The following ANO9 variants were observed in gnomAD, a reference collection of about 807,000 sequenced individuals.
The protein encoded by ANO9 is anoctamin 9.
Under a neutral mutation model 100.5 loss-of-function variants are expected in ANO9, and 80 were observed. The observed-to-expected ratio is 0.80, with a 90% CI of 0.66 to 0.96. The LOEUF (loss-of-function observed/expected upper bound fraction) is 0.96, where lower values mean the gene tolerates loss of function less well. Ranked by LOEUF, ANO9 falls within the 40% of genes least tolerant of loss-of-function variation. ANO9 has a pLI of 0.00. For synonymous variants in ANO9, 473 were observed against 435.6 expected, an observed-to-expected ratio of 1.09 and a Z score of -1.07; for missense variants, 1,064 against 1,072.7, an observed-to-expected ratio of 0.99 and a Z score of 0.11.
chr11:438,206 C>T (rs1845524981), intron 1 of ANO9, among the ~76,000 whole-genome samples: 1 of 152,012 alleles, frequency 6.6e-6, no homozygotes, highest in Admixed American at 6.5e-5. Flanking sequence ...CGTGGGCTGA[C>T]AGGGAGCCCT....
intron 1 of ANO9, among the ~76,000 whole-genome samples, chr11:437,021 T>C (rs1305578076): frequency 1.7e-5 from 1 of 57,426 alleles, no homozygotes; most frequent in Non-Finnish European, 3.4e-5. Flanking sequence ...GAGCTGGAGA[T>C]GAGCGGGGGG....
At position 428,749 on chromosome 11, in the gene ANO9, G is replaced by A. The variant is rs114920213; in HGVS notation, c.993C>T (p.Thr331=). 4.8e-3 allele frequency: 7,773 copies of A among 1,613,374 alleles called. 21 individuals are homozygous for A. The highest frequency in any genetic ancestry group is 6.1e-3 in the Non-Finnish European group (7,189 of 1,179,952). ...RPYQHSYLRS[T]VILVLTLLMI... ...TGAGCAGGGTCAGGACGAGGATGAC[G>A]GTGCTGCGTAGGTAGGAGTGCTGGT... The change falls in exon 12 of 23, where the codon ACC becomes ACT. Residue 331 remains threonine, a synonymous_variant. Coordinates refer to ENST00000332826, the MANE Select transcript of ANO9 (RefSeq NM_001012302.3).
At position 420,814 on chromosome 11, in the gene ANO9, GC is replaced by G; in HGVS notation, c.1536del (p.His513ThrfsTer17). 1 of 1,592,906 alleles carries G rather than the reference GC, an allele frequency of 6.3e-7. No individual in the cohort carries two copies. ...CTGAGCTCGGGGTCCCGGGGCAGGT[GC>G]CCGGACTCGGAGGCCCGCAGAGAGC... The part of the protein sequence containing the change: ...KCRSLRASES[G>X]HLPRDPELRD... On this transcript the variant is annotated frameshift_variant, in exon 18 of 23. Coordinates refer to ENST00000332826, the MANE Select transcript of ANO9 (RefSeq NM_001012302.3). LOFTEE classifies it high-confidence loss of function.
chr11:422,415 G>A lies in ANO9; in HGVS notation c.1335-1217C>T, dbSNP rs1848249744. ...ATGGTATTAAGGCTGCTAATCAGCTGACTTTAAGACGGGGAGATTATCTTG... is the reference window on the plus strand; with the variant it reads ...ATGGTATTAAGGCTGCTAATCAGCTAACTTTAAGACGGGGAGATTATCTTG... On this transcript the variant is annotated intron_variant, in intron 15 of 22. Coordinates refer to ENST00000332826, the MANE Select transcript of ANO9 (RefSeq NM_001012302.3). This position sits in a 1 kb window ranked among gnomAD's most constrained non-coding sequence, Gnocchi z 4.3. Among the ~76,000 whole-genome samples, 1 of 152,256 alleles carries A rather than the reference G, an allele frequency of 6.6e-6. No homozygotes were observed.
intron 20 of ANO9, chr11:419,355 GA>G (rs1464959514): frequency 2.5e-5 from 35 of 1,415,716 alleles, no homozygotes; most frequent in Admixed American, 2.9e-5. Flanking sequence ...CCAGGTCTGG[GA>G]ACTTCACCCC....
chr11:434,707 G>C (rs1849314935), intron 1 of ANO9, among the ~76,000 whole-genome samples: 1 of 152,200 alleles, frequency 6.6e-6, no homozygotes, highest in African/African-American at 2.4e-5. Context: ...CCTGCAGCAG[G>C]CAAGGTGAGT....
At chr11:436,561 C>G (rs911398704) in intron 1 of ANO9, among the ~76,000 whole-genome samples, 29 of 149,230 alleles carry the variant, frequency 1.9e-4, no homozygotes, top group African/African-American at 6.5e-4. Flanking sequence ...GGGGGTTGGT[C>G]CACGGCTAGT....
intron 14 of ANO9, 48 bp from the exon 15 acceptor site, chr11:428,247 C>A: frequency 6.2e-7 from 1 of 1,606,884 alleles, no homozygotes; most frequent in South Asian, 1.1e-5. Flanking sequence ...TAGGAGAGGC[C>A]CTGGGGCAGC....
At chr11:419,381 G>GA (rs1848038937) in intron 20 of ANO9, 4 of 1,421,222 alleles carry the variant, frequency 2.8e-6, no homozygotes, top group Non-Finnish European at 3.7e-6. Context: ...TGCGGTCCTG[G>GA]CCAGTTATCC....
At chr11:435,131 G>A (rs1371762342) in intron 1 of ANO9, among the ~76,000 whole-genome samples, 4 of 151,564 alleles carry the variant, frequency 2.6e-5, no homozygotes, top group Non-Finnish European at 5.9e-5. Context: ...ATAGCATAGT[G>A]TAGTAGGGTA....
Position 421,370 on chromosome 11 carries a change from GCACA to G in ANO9, c.1335-176_1335-173del, listed in dbSNP as rs148462393. ...ATGAACCGCACCCGCACGTGGGCACGCACACACACACACACACACACAGGGGAGG... is the reference window on the plus strand; with the variant it reads ...ATGAACCGCACCCGCACGTGGGCACGCACACACACACACACACAGGGGAGG... On this transcript the variant is annotated intron_variant, in intron 15 of 22. Coordinates refer to ENST00000332826, the MANE Select transcript of ANO9 (RefSeq NM_001012302.3). This position sits in a 1 kb window ranked among gnomAD's most constrained non-coding sequence, Gnocchi z 6.8. The G allele has an allele frequency of 6.3e-3, 3,242 of 511,610 alleles. 59 individuals are homozygous for G. The highest frequency in any genetic ancestry group is 0.041 in the African/African-American group (2,072 of 49,938). The allele number at this position is 511,610 out of a possible 1,614,324, so 31.7% of individuals were successfully genotyped here.
Position 432,953 on chromosome 11 carries a change from G to A in ANO9, c.350+361C>T, listed in dbSNP as rs1050988391. ...GGGACGGTGTCCAGGAAGGGGCATCGGAACTGGAGAGGAGGGGTCTTCAAG... is the reference window on the plus strand; with the variant it reads ...GGGACGGTGTCCAGGAAGGGGCATCAGAACTGGAGAGGAGGGGTCTTCAAG... On this transcript the variant is annotated intron_variant, in intron 4 of 22. Coordinates refer to ENST00000332826, the MANE Select transcript of ANO9 (RefSeq NM_001012302.3). This position sits in a 1 kb window ranked among gnomAD's most constrained non-coding sequence, Gnocchi z 4.8. 3.5e-5 allele frequency: 8 copies of A among 228,608 alleles called. No homozygotes were observed. The highest frequency in any genetic ancestry group is 2.6e-4 in the South Asian group (2 of 7,620). 14.2% of individuals were successfully genotyped at this position (228,608 alleles called of 1,614,324 possible). A position where few individuals can be genotyped will look rare whatever the true frequency, so the allele number is the denominator to read the frequency against.
Position 420,327 on chromosome 11 carries a change from C to T in ANO9, c.1786+136G>A, listed in dbSNP as rs559489944. 2.5e-4 allele frequency: 362 copies of T among 1,463,782 alleles called. 3 individuals carry two copies. In the South Asian group the frequency reaches 4.8e-3, roughly 19 times the overall value. The allele number at this position is 1,463,782 out of a possible 1,614,324, so 90.7% of individuals were successfully genotyped here. A position where few individuals can be genotyped will look rare whatever the true frequency, so the allele number is the denominator to read the frequency against. On this transcript the variant is annotated intron_variant, in intron 19 of 22. Transcript: ENST00000332826. The stretch of plus-strand genomic sequence containing the variant: ...AGGCTCAACCCGCATCCGAGGCCGT[C>T]GGAGAAGGGCTGGGGGCTGTCTGCG...
At chr11:423,725 C>T (rs1848329075) in intron 15 of ANO9, among the ~76,000 whole-genome samples, 1 of 151,834 alleles carries the variant, frequency 6.6e-6, no homozygotes, top group African/African-American at 2.4e-5. Flanking sequence ...GGCAGTGGGT[C>T]TCACTACATT....
intron 9 of ANO9, 48 bp from the exon 10 acceptor site, chr11:429,866 G>T: frequency 6.6e-7 from 1 of 1,518,884 alleles, no homozygotes; most frequent in East Asian, 2.4e-5. Flanking sequence ...GAGCTGGGGA[G>T]GGGGGCAGGT....
chr11:424,129 G>A (rs1848357740), intron 15 of ANO9, among the ~76,000 whole-genome samples: 1 of 151,726 alleles, frequency 6.6e-6, no homozygotes. Context: ...CCTGACCTCA[G>A]GTGATCTGCC....
At chr11:426,270 C>T (rs754967665) in intron 15 of ANO9, among the ~76,000 whole-genome samples, 6 of 152,112 alleles carry the variant, frequency 3.9e-5, no homozygotes, top group Non-Finnish European at 7.3e-5. Context: ...GACACCAAGG[C>T]AGGAGGATTG....
At chr11:433,177 T>C in intron 4 of ANO9, 137 bp downstream of exon 4, 1 of 1,215,368 alleles carries the variant, frequency 8.2e-7, no homozygotes, top group African/African-American at 1.5e-5. Flanking sequence ...CTCACACCTG[T>C]GGCCCCTGCC....
chr11:430,134 G>A lies in ANO9; in HGVS notation c.720C>T (p.Gly240=), dbSNP rs1382417920. The change falls in exon 9 of 23, where the codon GGC becomes GGT. Residue 240 remains glycine (G), a synonymous_variant. Coordinates refer to ENST00000332826, the MANE Select transcript of ANO9 (RefSeq NM_001012302.3). Reference sequence around the variant, plus strand: ...GCCGCTGGTACCTGCGGCTGTGGTCGCCGAGGGGACACATGAGGATGTCGT... The same window carrying A: ...GCCGCTGGTACCTGCGGCTGTGGTCACCGAGGGGACACATGAGGATGTCGT... ...EAHDILMCPL[G]DHSRRYQRLS... The A allele has an allele frequency of 1.9e-6, 3 of 1,553,716 alleles. No individual in the cohort carries two copies. The highest frequency in any genetic ancestry group is 1.7e-6 in the Non-Finnish European group (2 of 1,149,254).
Sources: gnomAD v4.1 joint callset for allele counts (sites outside exome capture counted in the v4.1 genomes callset) on GRCh38, gnomAD v4.1.1 for gene constraint, Gnocchi (gnomAD v3.1) non-coding constraint, MANE v1.5 for transcripts, NCBI Gene and HGNC (gene_info 2026-07-23, HGNC 2026-07-21) for gene names.